MARCHF1: variants seen among roughly 807,000 people sequenced by gnomAD.
MARCHF1 encodes membrane associated ring-CH-type finger 1, also known as E3 ubiquitin-protein ligase MARCHF1.
Under a neutral mutation model 54.2 loss-of-function variants are expected in MARCHF1, and 40 were observed. The ratio of observed to expected loss-of-function variants is 0.74; its 90% CI spans 0.57 to 0.96. The LOEUF is 0.96. Ranked by LOEUF, MARCHF1 falls within the 40% of genes least tolerant of loss-of-function variation. The pLI is 0.00. For synonymous variants in MARCHF1, 236 were observed against 236.3 expected (o/e 1.00, Z 0.01); for missense variants, 586 against 656.5 (o/e 0.89, Z 1.17).
chr4:163,788,512 T>C (rs767609609), intron 4 of MARCHF1, among the ~76,000 whole-genome samples: 1 of 152,046 alleles, frequency 6.6e-6, no homozygotes, highest in Non-Finnish European at 1.5e-5. Flanking sequence ...AGATTTTTAG[T>C]ATTTCCCTGG....
chr4:163,661,088 T>C (rs1743329325), intron 5 of MARCHF1, among the ~76,000 whole-genome samples: 1 of 151,998 alleles, frequency 6.6e-6, no homozygotes, highest in Non-Finnish European at 1.5e-5. Flanking sequence ...AATTTAGTTG[T>C]CTTTCTGATT....
rs137917478 is a variant in MARCHF1 at position 164,322,464 on chromosome 4, G to C, written c.-323+61406C>G. ...GGGGGGAGGTGGGGGTGGTTAATTG[G>C]TACTCAAAAACTGGAAAGAATAAAT... On this transcript the variant is annotated intron_variant, in intron 1 of 9. Coordinates refer to ENST00000514618, the MANE Select transcript of MARCHF1 (RefSeq NM_001394959.1). 8.6e-3 allele frequency among the ~76,000 whole-genome samples: 1,305 copies of C among 151,968 alleles called. 18 individuals are homozygous for C. Among genetic ancestry groups the C allele is most frequent in the African/African-American group, 0.03 (1,257 of 41,472 alleles).
At chr4:163,556,817 C>T (rs1296796437) in intron 8 of MARCHF1, among the ~76,000 whole-genome samples, 1 of 151,576 alleles carries the variant, frequency 6.6e-6, no homozygotes, top group Admixed American at 6.6e-5. Flanking sequence ...CAATATATTA[C>T]ATTTGAATTT....
At chr4:163,998,070 A>T (rs1753114264) in intron 2 of MARCHF1, among the ~76,000 whole-genome samples, 1 of 151,478 alleles carries the variant, frequency 6.6e-6, no homozygotes, top group Admixed American at 6.6e-5. Context: ...GAGAAAAAAA[A>T]ATTCAATAAA....
At chr4:164,122,487 T>A (rs1340286667) in intron 1 of MARCHF1, among the ~76,000 whole-genome samples, 1 of 152,056 alleles carries the variant, frequency 6.6e-6, no homozygotes, top group Non-Finnish European at 1.5e-5. Context: ...CCCATTTGTA[T>A]AATAAGATTA....
intron 3 of MARCHF1, among the ~76,000 whole-genome samples, chr4:163,912,896 C>T (rs1751225745): frequency 6.6e-6 from 1 of 152,128 alleles, no homozygotes; most frequent in African/African-American, 2.4e-5. Context: ...ATACGAAGAG[C>T]TTCATAAATT....
At chr4:164,378,313 T>A (rs1326391196) in intron 1 of MARCHF1, among the ~76,000 whole-genome samples, 1 of 152,186 alleles carries the variant, frequency 6.6e-6, no homozygotes, top group Non-Finnish European at 1.5e-5. Flanking sequence ...CAAAATTAGC[T>A]ATGAGGGGCC....
At chr4:164,196,818 C>G (rs1266828180) in intron 1 of MARCHF1, among the ~76,000 whole-genome samples, 1 of 152,084 alleles carries the variant, frequency 6.6e-6, no homozygotes, top group African/African-American at 2.4e-5. Context: ...GCCCTCCCTC[C>G]CTCCACAACC....
At chr4:163,894,872 T>C (rs62653444) in intron 3 of MARCHF1, among the ~76,000 whole-genome samples, 2,671 of 29,404 alleles carry the variant, frequency 0.091, 546 homozygotes, top group East Asian at 0.29. Flanking sequence ...TGCATATATA[T>C]ATGCATGTGA....
At chr4:163,757,859 C>T (rs1176641179) in intron 4 of MARCHF1, among the ~76,000 whole-genome samples, 2 of 152,166 alleles carry the variant, frequency 1.3e-5, no homozygotes, top group African/African-American at 4.8e-5. Context: ...ATTAGCATGC[C>T]TCACTGTGCT....
At chr4:163,793,937 C>A (rs1317765334) in intron 4 of MARCHF1, among the ~76,000 whole-genome samples, 2 of 152,170 alleles carry the variant, frequency 1.3e-5, no homozygotes, top group Non-Finnish European at 2.9e-5. Context: ...AAGCTCCCGG[C>A]TGAATAAAGC....
intron 5 of MARCHF1, among the ~76,000 whole-genome samples, chr4:163,625,352 A>C (rs1272686310): frequency 6.6e-6 from 1 of 152,184 alleles, no homozygotes; most frequent in African/African-American, 2.4e-5. Flanking sequence ...TTTTATAGTT[A>C]ATCTTATTTT....
intron 1 of MARCHF1, among the ~76,000 whole-genome samples, chr4:164,118,852 A>G (rs1349632410): frequency 2.0e-5 from 3 of 151,872 alleles, no homozygotes; most frequent in South Asian, 4.2e-4. Flanking sequence ...AAAAGTCACA[A>G]TAAAGATATA....
At chr4:163,992,282 T>C (rs971229997) in intron 2 of MARCHF1, among the ~76,000 whole-genome samples, 5 of 152,108 alleles carry the variant, frequency 3.3e-5, no homozygotes, top group Admixed American at 6.6e-5. Context: ...AGGTAATGTA[T>C]AAAATTATGT....
At chr4:163,734,115 T>C (rs1404661546) in intron 4 of MARCHF1, among the ~76,000 whole-genome samples, 2 of 152,118 alleles carry the variant, frequency 1.3e-5, no homozygotes, top group Admixed American at 1.3e-4. Context: ...TACCACTATA[T>C]ACCCAGTGAA....
At chr4:164,053,570 A>G (rs1351477626) in intron 2 of MARCHF1, among the ~76,000 whole-genome samples, 1 of 152,180 alleles carries the variant, frequency 6.6e-6, no homozygotes, top group Non-Finnish European at 1.5e-5. Flanking sequence ...GGCTTCTTCC[A>G]TTAACCTGAA....
chr4:164,192,329 A>T (rs55947579), intron 1 of MARCHF1, among the ~76,000 whole-genome samples: 18,536 of 151,944 alleles, frequency 0.12, 1,400 homozygotes, highest in Admixed American at 0.2. Flanking sequence ...CTATTTACTT[A>T]TATAAGTTTA....
intron 1 of MARCHF1, among the ~76,000 whole-genome samples, chr4:164,145,407 G>T (rs1729653625): frequency 6.6e-6 from 1 of 151,882 alleles, no homozygotes; most frequent in African/African-American, 2.4e-5. Flanking sequence ...GATGAACATT[G>T]ATGCAAAAAT....
At chr4:164,176,914 TTTG>T (rs1281308345) in intron 1 of MARCHF1, among the ~76,000 whole-genome samples, 1 of 145,044 alleles carries the variant, frequency 6.9e-6, no homozygotes, top group Non-Finnish European at 1.5e-5. Context: ...TTAAATTCAA[TTTG>T]TTATTTATCT....
Sources: allele counts gnomAD v4.1 joint callset (sites outside exome capture counted in the v4.1 genomes callset), GRCh38; gene constraint gnomAD v4.1.1; transcripts MANE v1.5; gene names NCBI Gene and HGNC (gene_info 2026-07-23, HGNC 2026-07-21).